Variants in CFAP96 observed in about 807,000 individuals in gnomAD.
The protein encoded by CFAP96 is cilia and flagella associated protein 96, also known as cilia-and flagella-associated protein 96.
chr4:185,412,206 A>G, the CFAP96 span, among the ~76,000 whole-genome samples: 1 of 152,238 alleles, frequency 6.6e-6, no homozygotes, highest in African/African-American at 2.4e-5. Flanking sequence ...ACGACCTTGT[A>G]ATACAGATAT....
chr4:185,435,474 T>C, the CFAP96 span, among the ~76,000 whole-genome samples: 1 of 152,198 alleles, frequency 6.6e-6, no homozygotes. Context: ...TTAAGAAAAA[T>C]TTGTTAAAGT....
At chr4:185,429,170 G>A in the CFAP96 span, among the ~76,000 whole-genome samples, 1 of 152,162 alleles carries the variant, frequency 6.6e-6, no homozygotes, top group Non-Finnish European at 1.5e-5. Context: ...TTGAATCCCA[G>A]TATTCTCCCC....
At chr4:185,443,342 A>ATATTTTTTTTTTTTTTTTTT in the CFAP96 span, among the ~76,000 whole-genome samples, 1 of 26,730 alleles carries the variant, frequency 3.7e-5, no homozygotes, top group Non-Finnish European at 7.4e-5. Flanking sequence ...ATATATATAT[A>ATATTTTTTTTTTTTTTTTTT]TTTTTTTTTT....
the CFAP96 span, among the ~76,000 whole-genome samples, chr4:185,411,118 A>AG: frequency 9.3e-5 from 14 of 151,340 alleles, no homozygotes; most frequent in African/African-American, 3.4e-4. Context: ...CAAAGCCAAA[A>AG]GTTTTTTTTT....
the CFAP96 span, chr4:185,425,811 G>A: frequency 6.3e-7 from 1 of 1,584,464 alleles, no homozygotes; most frequent in Non-Finnish European, 8.6e-7. Context: ...CGCTCGTGGC[G>A]GCTGCCAAAG....
the CFAP96 span, among the ~76,000 whole-genome samples, chr4:185,428,102 A>G: frequency 9.1e-5 from 13 of 142,160 alleles, no homozygotes. Flanking sequence ...AAAAAAAAAA[A>G]TGGTTCTTAC....
At chr4:185,443,343 T>TATATATATATATATA in the CFAP96 span, among the ~76,000 whole-genome samples, 2 of 19,208 alleles carry the variant, frequency 1.0e-4, no homozygotes, top group African/African-American at 3.6e-4. Context: ...TATATATATA[T>TATATATATATATATA]TTTTTTTTTT....
At chr4:185,428,475 G>A in the CFAP96 span, among the ~76,000 whole-genome samples, 1 of 151,586 alleles carries the variant, frequency 6.6e-6, no homozygotes, top group Non-Finnish European at 1.5e-5. Flanking sequence ...AGGTGGCTGA[G>A]GCAGGAGAAT....
At chr4:185,433,990 G>A in the CFAP96 span, among the ~76,000 whole-genome samples, 5 of 152,162 alleles carry the variant, frequency 3.3e-5, no homozygotes, top group African/African-American at 4.8e-5. Context: ...AGGCTGAGGC[G>A]GATGTATTGC....
chr4:185,421,548 T>C, the CFAP96 span, among the ~76,000 whole-genome samples: 1 of 152,174 alleles, frequency 6.6e-6, no homozygotes, highest in Admixed American at 6.5e-5. Context: ...TCTTTTGCCA[T>C]GTGATACACT....
the CFAP96 span, among the ~76,000 whole-genome samples, chr4:185,416,707 A>G: frequency 6.6e-6 from 1 of 152,228 alleles, no homozygotes; most frequent in Non-Finnish European, 1.5e-5. Context: ...CACCTGGAAC[A>G]TCTGATGGGT....
At chr4:185,429,584 A>G in the CFAP96 span, 2 of 847,202 alleles carry the variant, frequency 2.4e-6, no homozygotes. Context: ...TTAATATTTA[A>G]GTCAAATGAT....
At chr4:185,432,267 G>GT in the CFAP96 span, 1 of 1,252,898 alleles carries the variant, frequency 8.0e-7, no homozygotes. Context: ...TTAAATATTT[G>GT]TTTTTCTGTA....
the CFAP96 span, among the ~76,000 whole-genome samples, chr4:185,411,766 A>G: frequency 1.3e-5 from 2 of 152,240 alleles, no homozygotes; most frequent in Admixed American, 6.5e-5. Context: ...CTAAACAGCA[A>G]AAAAACTTGG....
chr4:185,433,731 G>A, the CFAP96 span, among the ~76,000 whole-genome samples: 14 of 151,502 alleles, frequency 9.2e-5, no homozygotes, highest in African/African-American at 2.4e-4. Flanking sequence ...GCGAAACCCC[G>A]TCTCTACTAA....
the CFAP96 span, chr4:185,432,127 G>C: frequency 1.9e-6 from 3 of 1,551,796 alleles, no homozygotes; most frequent in Non-Finnish European, 2.6e-6. Flanking sequence ...ATCAAGTGAG[G>C]AGACGGGATA....
the CFAP96 span, among the ~76,000 whole-genome samples, chr4:185,447,221 G>C: frequency 6.3e-4 from 93 of 148,572 alleles, no homozygotes; most frequent in Admixed American, 1.4e-3. Context: ...TCACTCTGTC[G>C]CCCAGGCTGG....
At chr4:185,448,399 C>T in the CFAP96 span, among the ~76,000 whole-genome samples, 24 of 152,244 alleles carry the variant, frequency 1.6e-4, no homozygotes, top group East Asian at 1.9e-4. Flanking sequence ...ATATAGATGA[C>T]GATGGTGACC....
At chr4:185,448,266 C>T in the CFAP96 span, among the ~76,000 whole-genome samples, 18 of 152,178 alleles carry the variant, frequency 1.2e-4, no homozygotes, top group Admixed American at 3.9e-4. Flanking sequence ...GGTGATCCGC[C>T]CGCCTCAGCC....
Sources: allele counts gnomAD v4.1 joint callset (sites outside exome capture counted in the v4.1 genomes callset), GRCh38; gene constraint gnomAD v4.1.1; transcripts MANE v1.5; gene names NCBI Gene and HGNC (gene_info 2026-07-23, HGNC 2026-07-21).